PTPRN2: variants seen among roughly 807,000 people sequenced by gnomAD.
PTPRN2 encodes receptor-type tyrosine-protein phosphatase N2.
Under a neutral mutation model 118.8 loss-of-function variants are expected in PTPRN2, and 74 were observed. The observed-to-expected ratio is 0.62, with a 90% confidence interval of 0.52 to 0.76. The LOEUF (loss-of-function observed/expected upper bound fraction) is 0.76, where lower values mean the gene tolerates loss of function less well. Ranked by LOEUF, PTPRN2 falls within the 30% of genes least tolerant of loss-of-function variation. The pLI, the probability that PTPRN2 is intolerant of heterozygous loss-of-function variation, is 0.00. For synonymous variants in PTPRN2, 641 were observed against 608.0 expected (o/e 1.05, Z -0.80); for missense variants, 1,481 against 1,394.4 (o/e 1.06, Z -0.99).
intron 11 of PTPRN2, among the ~76,000 whole-genome samples, chr7:157,906,974 ACT>A (rs1423908937): frequency 1.3e-5 from 2 of 151,786 alleles, no homozygotes; most frequent in African/African-American, 4.8e-5. Context: ...AGAACCAAAG[ACT>A]CTCACTCAGC....
intron 16 of PTPRN2, among the ~76,000 whole-genome samples, chr7:157,600,241 C>CTCTCCACCTGCCCACA (rs1801596705): frequency 1.3e-5 from 2 of 149,124 alleles, no homozygotes; most frequent in Admixed American, 6.7e-5. Flanking sequence ...ACCTGCCTAC[C>CTCTCCACCTGCCCACA]TCTCCACCTG....
At chr7:157,776,382 CTCTCCTCCTCCTCCATCT>C (rs1803251178) in intron 12 of PTPRN2, among the ~76,000 whole-genome samples, 1 of 86,426 alleles carries the variant, frequency 1.2e-5, no homozygotes, top group Non-Finnish European at 2.5e-5. Flanking sequence ...TTCTTCCTCA[CTCTCCTCCTCCTCCATCT>C]CCTCCTCCTC....
chr7:158,232,913 G>T (rs1829262111), intron 3 of PTPRN2, among the ~76,000 whole-genome samples: 1 of 152,130 alleles, frequency 6.6e-6, no homozygotes, highest in Non-Finnish European at 1.5e-5. Context: ...AATGGGTATA[G>T]AAAGAACATA....
chr7:158,200,582 AG>A (rs1462973468), intron 4 of PTPRN2, among the ~76,000 whole-genome samples: 1 of 152,230 alleles, frequency 6.6e-6, no homozygotes, highest in Non-Finnish European at 1.5e-5. Flanking sequence ...TATTTATAAA[AG>A]TCTGTATCCT....
rs371359321 is a variant in PTPRN2, at chr7:157,981,484, AC to A, written c.1724-82748del. Among the ~76,000 whole-genome samples the A allele has an allele frequency of 3.2e-4, 49 of 152,142 alleles. No homozygotes were observed. In the South Asian group the frequency reaches 7.1e-3, roughly 22 times the overall value. ...ACACACCAACACACACACAAATTTG[AC>A]TCCAGTCATTGATAAAATAGTAAAA... On this transcript the variant is annotated intron_variant, in intron 11 of 22. Transcript: ENST00000389418.
At chr7:158,309,996 A>G (rs1321607356) in intron 3 of PTPRN2, among the ~76,000 whole-genome samples, 2 of 152,160 alleles carry the variant, frequency 1.3e-5, no homozygotes, top group Non-Finnish European at 2.9e-5. Flanking sequence ...CGGGGGGAAG[A>G]TGCCACCCAT....
At chr7:158,098,626 C>T (rs973509813) in intron 10 of PTPRN2, among the ~76,000 whole-genome samples, 1 of 152,214 alleles carries the variant, frequency 6.6e-6, no homozygotes, top group South Asian at 2.1e-4. Flanking sequence ...ACGCCTCCCT[C>T]GCCCGCCCCG....
At position 158,121,244 on chromosome 7, in the gene PTPRN2, G is replaced by A. The variant is rs545232275; in HGVS notation, c.1557-10329C>T. Reference sequence around the variant, plus strand: ...CTTGGAGCCATTAGGAAGAGGGCAGGTGCAGAAGGGCAGGTGGAGAAGGCT... The same window carrying A: ...CTTGGAGCCATTAGGAAGAGGGCAGATGCAGAAGGGCAGGTGGAGAAGGCT... On this transcript the variant is annotated intron_variant, in intron 9 of 22. Coordinates refer to ENST00000389418, the MANE Select transcript of PTPRN2 (RefSeq NM_002847.5). Among the ~76,000 whole-genome samples the A allele has an allele frequency of 1.8e-4, 28 of 152,246 alleles. No individual in the cohort carries two copies. The South Asian group carries it at 3.1e-3, about 17-fold the overall frequency.
At chr7:157,636,484 T>C (rs139207894) in intron 14 of PTPRN2, among the ~76,000 whole-genome samples, 13 of 152,350 alleles carry the variant, frequency 8.5e-5, no homozygotes, top group African/African-American at 3.1e-4. Context: ...TTAAAACAAG[T>C]CTAATGAAAA....
At chr7:157,700,752 G>A (rs1798025291) in intron 12 of PTPRN2, among the ~76,000 whole-genome samples, 1 of 152,102 alleles carries the variant, frequency 6.6e-6, no homozygotes, top group Non-Finnish European at 1.5e-5. Context: ...ACACACAGGG[G>A]CGCCTCCAGA....
chr7:158,223,633 T>C (rs1426170305), intron 3 of PTPRN2, among the ~76,000 whole-genome samples: 1 of 152,090 alleles, frequency 6.6e-6, no homozygotes, highest in Non-Finnish European at 1.5e-5. Context: ...AAGAAAACTT[T>C]CAGAAAAATA....
At chr7:157,693,758 C>T (rs901476956) in intron 12 of PTPRN2, among the ~76,000 whole-genome samples, 9 of 152,108 alleles carry the variant, frequency 5.9e-5, no homozygotes, top group African/African-American at 2.2e-4. Context: ...CTCGCACCAC[C>T]TTCCCCGCCA....
chr7:158,109,491 G>T (rs149325765), intron 10 of PTPRN2, among the ~76,000 whole-genome samples: 152 of 152,124 alleles, frequency 1.0e-3, no homozygotes, highest in African/African-American at 3.5e-3. Context: ...ACCCCTGTGT[G>T]AAGGGGCCAG....
chr7:157,572,349 G>T (rs1271854601), intron 19 of PTPRN2, among the ~76,000 whole-genome samples: 1 of 152,218 alleles, frequency 6.6e-6, no homozygotes, highest in South Asian at 2.1e-4. Flanking sequence ...AATGTGCTGC[G>T]TGAACTCCTA....
At chr7:157,685,642 TGTCGCC>T (rs1453091047) in intron 12 of PTPRN2, among the ~76,000 whole-genome samples, 2 of 152,104 alleles carry the variant, frequency 1.3e-5, no homozygotes, top group Non-Finnish European at 2.9e-5. Context: ...AGACACCTGC[TGTCGCC>T]GGGACCCTCG....
intron 2 of PTPRN2, among the ~76,000 whole-genome samples, chr7:158,341,735 A>G (rs1806853900): frequency 1.4e-5 from 2 of 144,306 alleles, no homozygotes; most frequent in Non-Finnish European, 3.0e-5. Flanking sequence ...ACGCCCGCAG[A>G]CGTCACTCAC....
intron 12 of PTPRN2, among the ~76,000 whole-genome samples, chr7:157,842,265 C>T (rs1050419043): frequency 9.2e-5 from 14 of 152,230 alleles, no homozygotes; most frequent in South Asian, 2.1e-4. Flanking sequence ...CATTTCAGCG[C>T]GCTCCAATCA....
intron 2 of PTPRN2, among the ~76,000 whole-genome samples, chr7:158,359,803 C>G (rs1808709264): frequency 6.6e-6 from 1 of 152,146 alleles, no homozygotes; most frequent in Non-Finnish European, 1.5e-5. Flanking sequence ...AGCGAGAGCC[C>G]AGATGCCTGA....
At position 157,618,358 on chromosome 7, in the gene PTPRN2, A is replaced by T. The variant is rs1213682013; in HGVS notation, c.2344+3004T>A. 1 of 152,268 alleles carries T rather than the reference A, an allele frequency of 6.6e-6. No homozygotes were observed. Among genetic ancestry groups the T allele is most frequent in the African/African-American group, 2.4e-5 (1 of 41,444 alleles). 9.4% of individuals were successfully genotyped at this position (152,268 alleles called of 1,614,324 possible). On this transcript the variant is annotated intron_variant, in intron 15 of 22. Coordinates refer to ENST00000389418, the MANE Select transcript of PTPRN2 (RefSeq NM_002847.5). The surrounding 1 kb of genome is among the most constrained non-coding windows in gnomAD (Gnocchi z 4.2). ...CTAACAGAGGACAGCGTGGCCGAGT[A>T]CTCATGCTTCCAACCCTGCACAGAG...
Sources: allele counts gnomAD v4.1 joint callset (sites outside exome capture counted in the v4.1 genomes callset), GRCh38; gene constraint gnomAD v4.1.1; non-coding constraint Gnocchi (gnomAD v3.1); transcripts MANE v1.5; gene names NCBI Gene and HGNC (gene_info 2026-07-23, HGNC 2026-07-21).